Variants in MYO7A observed in about 807,000 individuals in gnomAD.
MYO7A encodes the protein unconventional myosin-VIIa.
MYO7A carries 210 observed loss-of-function variants against 263.8 expected under a neutral mutation model. That is an observed-to-expected ratio of 0.80 (90% CI 0.71 to 0.89). The LOEUF (loss-of-function observed/expected upper bound fraction) is 0.89. Ranked by LOEUF, MYO7A falls within the 40% of genes least tolerant of loss-of-function variation. MYO7A has a pLI of 0.00. For synonymous variants in MYO7A, 1,239 were observed against 1,197.3 expected (o/e 1.03, Z -0.72); for missense variants, 2,820 against 2,968.3 (o/e 0.95, Z 1.16).
In MYO7A at chr11:77,194,443, C is replaced by T. The variant is rs1297093744; in HGVS notation, c.4242C>T (p.Pro1414=). The T allele has an allele frequency of 1.9e-6, 3 of 1,611,538 alleles. No individual in the cohort carries two copies. The South Asian group carries it at 3.3e-5, about 18-fold the overall frequency. The change falls in exon 32 of 49, where the codon CCC becomes CCT. Residue 1414 remains proline, a synonymous_variant. Coordinates refer to ENST00000409709, the MANE Select transcript of MYO7A (RefSeq NM_000260.4). ...MILERLLNLV[P]TYIPDREITP... ...TGGAGCGCCTCCTGAACCTCGTGCC[C>T]ACCTACATCCCCGACCGCGAGATCA...
chr11:77,165,702 T>A (rs1953474641), intron 14 of MYO7A, among the ~76,000 whole-genome samples: 1 of 152,190 alleles, frequency 6.6e-6, no homozygotes, highest in South Asian at 2.1e-4. Flanking sequence ...ACATGCATTC[T>A]CTCCCAGGTG....
chr11:77,174,924 T>G lies in MYO7A; in HGVS notation c.2094+10T>G, dbSNP rs782159034. Reference sequence around the variant, plus strand: ...GCCGGCCTACAAGCAGGTACAGGGCTGAGTGCACAGAGGGCAGGAGGGGAG... The same window carrying G: ...GCCGGCCTACAAGCAGGTACAGGGCGGAGTGCACAGAGGGCAGGAGGGGAG... On this transcript the variant is annotated intron_variant, in intron 17 of 48. Transcript: ENST00000409709. The G allele has an allele frequency of 1.7e-5, 28 of 1,611,396 alleles. 1 individual carries two copies. The South Asian group carries it at 3.0e-4, about 17-fold the overall frequency.
intron 15 of MYO7A, among the ~76,000 whole-genome samples, chr11:77,167,394 A>T (rs983077137): frequency 4.6e-5 from 7 of 152,140 alleles, no homozygotes; most frequent in Admixed American, 3.9e-4. Context: ...CTTGCAAGGC[A>T]GGAGGGACAG....
chr11:77,204,299 G>A, intron 39 of MYO7A, 70 bp downstream of exon 39: 4 of 1,527,474 alleles, frequency 2.6e-6, no homozygotes, highest in Non-Finnish European at 3.5e-6. Flanking sequence ...TTACCCTCCT[G>A]AGGCAGCTGC....
intron 46 of MYO7A, chr11:77,212,724 G>GAGAGGGAGGACAAAGC (rs888735201): frequency 5.1e-6 from 3 of 590,476 alleles, no homozygotes; most frequent in Non-Finnish European, 9.0e-6. Flanking sequence ...CCCTTGGGCT[G>GAGAGGGAGGACAAAGC]AGAGGGAGGA....
At position 77,189,338 on chromosome 11, in the gene MYO7A, G is replaced by A; in HGVS notation, c.3504-6G>A. On this transcript the variant is annotated splice_region_variant and splice_polypyrimidine_tract_variant and intron_variant, in intron 27 of 48. Transcript: ENST00000409709. ...TTCCCCCTCCCTTGCCCTGCTGCCTGCCCAGGGACGAGATCTACTGCCAGA... is the reference window on the plus strand; with the variant it reads ...TTCCCCCTCCCTTGCCCTGCTGCCTACCCAGGGACGAGATCTACTGCCAGA... 2 of 1,612,994 alleles carry A rather than the reference G, an allele frequency of 1.2e-6. No individual in the cohort carries two copies. The highest frequency in any genetic ancestry group is 1.1e-5 in the South Asian group (1 of 91,080).
chr11:77,161,681 T>G (rs192228721), intron 12 of MYO7A, among the ~76,000 whole-genome samples: 1 of 152,226 alleles, frequency 6.6e-6, no homozygotes, highest in Non-Finnish European at 1.5e-5. Flanking sequence ...CGGCCATGTC[T>G]GCAGCCAGGG....
chr11:77,171,685 C>A (rs1954108977), intron 15 of MYO7A, among the ~76,000 whole-genome samples: 1 of 152,166 alleles, frequency 6.6e-6, no homozygotes, highest in African/African-American at 2.4e-5. Flanking sequence ...ATATAAAAAT[C>A]TTGCAATATT....
chr11:77,189,302 C>T (rs782424525), intron 27 of MYO7A, 42 bp from the exon 28 acceptor site: 4 of 1,610,034 alleles, frequency 2.5e-6, no homozygotes, highest in South Asian at 1.1e-5. Context: ...GGGGCTGTTC[C>T]TGTGGGGTGA....
chr11:77,205,427 G>T, intron 39 of MYO7A, 35 bp from the exon 40 acceptor site: 1 of 1,545,294 alleles, frequency 6.5e-7, no homozygotes, highest in Non-Finnish European at 8.7e-7. Context: ...CCCGATGGCA[G>T]CTGCCCCTGC....
chr11:77,156,910 G>GA lies in MYO7A; in HGVS notation c.644dup (p.Tyr216ValfsTer18). On this transcript the variant is annotated frameshift_variant, in exon 7 of 49. Coordinates refer to ENST00000409709, the MANE Select transcript of MYO7A (RefSeq NM_000260.4). LOFTEE classifies it high-confidence loss of function. ...CGCAATGACAACTCAAGCCGTTTCG[G>GA]AAAGTACATCGACATCCACTTCAAC... The GA allele has an allele frequency of 6.2e-7, 1 of 1,614,040 alleles. No individual in the cohort carries two copies. Among genetic ancestry groups the GA allele is most frequent in the Non-Finnish European group, 8.5e-7 (1 of 1,179,908 alleles).
At chr11:77,161,352 G>A (rs1309430672) in intron 12 of MYO7A, among the ~76,000 whole-genome samples, 4 of 152,074 alleles carry the variant, frequency 2.6e-5, no homozygotes, top group Non-Finnish European at 5.9e-5. Flanking sequence ...GAACACTTGG[G>A]GAGGAAACCT....
At chr11:77,193,766 C>A (rs1022167396) in intron 31 of MYO7A, among the ~76,000 whole-genome samples, 1 of 152,188 alleles carries the variant, frequency 6.6e-6, no homozygotes, top group African/African-American at 2.4e-5. Flanking sequence ...GTAGGCATCA[C>A]TGGGGCTGCT....
intron 37 of MYO7A, 63 bp from the exon 38 acceptor site, chr11:77,202,997 T>C (rs1957175588): frequency 1.3e-6 from 2 of 1,528,210 alleles, no homozygotes; most frequent in Non-Finnish European, 1.8e-6. Flanking sequence ...TCTCACAACC[T>C]GGGGGTTTCT....
chr11:77,157,440 T>C, intron 8 of MYO7A, 48 bp downstream of exon 8: 1 of 1,313,102 alleles, frequency 7.6e-7, no homozygotes, highest in Non-Finnish European at 1.1e-6. Context: ...ACCCTAGGAT[T>C]GTAGGGAGCT....
chr11:77,176,094 G>A (rs73495752), intron 18 of MYO7A, among the ~76,000 whole-genome samples: 6,279 of 152,282 alleles, frequency 0.041, 459 homozygotes, highest in African/African-American at 0.14. Context: ...TTGCATTTCC[G>A]CTGTGCTAGA....
intron 33 of MYO7A, among the ~76,000 whole-genome samples, chr11:77,198,059 C>G (rs571599807): frequency 6.6e-6 from 1 of 152,218 alleles, no homozygotes; most frequent in Non-Finnish European, 1.5e-5. Context: ...TCTGTGAAGT[C>G]GAGAGTAGCA....
intron 46 of MYO7A, 200 bp downstream of exon 46, chr11:77,212,137 G>A (rs1367902662): frequency 8.8e-6 from 6 of 682,074 alleles, no homozygotes; most frequent in East Asian, 2.8e-5. Flanking sequence ...ACCAGAAGAA[G>A]CTCAGCCTGG....
chr11:77,148,763 TATAAG>T (rs1951762991), intron 4 of MYO7A, among the ~76,000 whole-genome samples: 2 of 152,158 alleles, frequency 1.3e-5, no homozygotes, highest in African/African-American at 4.8e-5. Context: ...ATAAATCTAT[TATAAG>T]ATAATATAAA....
Sources: gnomAD v4.1 joint callset for allele counts (sites outside exome capture counted in the v4.1 genomes callset) on GRCh38, gnomAD v4.1.1 for gene constraint, MANE v1.5 for transcripts, NCBI Gene and HGNC (gene_info 2026-07-23, HGNC 2026-07-21) for gene names.